PARP1: variants seen among roughly 807,000 people sequenced by gnomAD.
The protein encoded by PARP1 is poly(ADP-ribose) polymerase 1.
Under a neutral mutation model 118.7 loss-of-function variants are expected in PARP1, and 44 were observed. The ratio of observed to expected loss-of-function variants is 0.37; its 90% CI spans 0.29 to 0.48. PARP1 has a LOEUF of 0.48. Ranked by LOEUF, PARP1 falls within the 20% of genes least tolerant of loss-of-function variation. The pLI is 0.99. For missense variants in PARP1, 1,100 were observed against 1,272.4 expected (o/e 0.86, Z 2.06); for synonymous variants, 492 against 483.2 (o/e 1.02, Z -0.24).
rs1235442000 is a variant in PARP1, at chr1:226,360,978, T to G, written c.*482A>C. 3 of 231,092 alleles carry G rather than the reference T, an allele frequency of 1.3e-5. No individual in the cohort carries two copies. Among genetic ancestry groups the G allele is most frequent in the Non-Finnish European group, 2.6e-5 (3 of 116,090 alleles). 14.3% of individuals were successfully genotyped at this position (231,092 alleles called of 1,614,324 possible). Reference sequence around the variant, plus strand: ...AAAAAACTAAAAAGGGGACAATAAGTGCAAGATAAAAAAGAAAATCTAAAT... The same window carrying G: ...AAAAAACTAAAAAGGGGACAATAAGGGCAAGATAAAAAAGAAAATCTAAAT... On this transcript the variant is annotated 3_prime_UTR_variant, in exon 23 of 23. Coordinates refer to ENST00000366794, the MANE Select transcript of PARP1 (RefSeq NM_001618.4).
chr1:226,380,388 G>A (rs1664580487), intron 9 of PARP1, among the ~76,000 whole-genome samples: 1 of 152,056 alleles, frequency 6.6e-6, no homozygotes, highest in African/African-American at 2.4e-5. Context: ...TCTACAGCAC[G>A]ATGTTAACAA....
intron 21 of PARP1, 31 bp downstream of exon 21, chr1:226,363,068 G>A (rs1248216820): frequency 1.3e-6 from 2 of 1,562,798 alleles, no homozygotes; most frequent in Non-Finnish European, 1.8e-6. Context: ...GGGTGCCTCG[G>A]GCTGTAGCAA....
chr1:226,384,934 G>A (rs1664687214), intron 7 of PARP1, among the ~76,000 whole-genome samples: 2 of 152,200 alleles, frequency 1.3e-5, no homozygotes, highest in Non-Finnish European at 2.9e-5. Context: ...TGAGTCTGAG[G>A]GAGCACAGGC....
In PARP1 at chr1:226,407,555, C is replaced by G. The variant is rs139528102; in HGVS notation, c.120+255G>C. ...AGAAAGGAGAAGAGAAGAGGCTCCT[C>G]GTTTTCACAAAGCGAAAGGCAACAC... On this transcript the variant is annotated intron_variant, in intron 1 of 22. Transcript: ENST00000366794. Among the ~76,000 whole-genome samples, 898 of 152,204 alleles carry G rather than the reference C, an allele frequency of 5.9e-3. 8 individuals are homozygous for G. Among genetic ancestry groups the G allele is most frequent in the Non-Finnish European group, 9.0e-3 (613 of 67,988 alleles).
Position 226,383,031 on chromosome 1 carries a change from T to G in PARP1, c.1159+5A>C, listed in dbSNP as rs1161136698. The G allele has an allele frequency of 6.2e-7, 1 of 1,612,688 alleles. No homozygotes were observed. The highest frequency in any genetic ancestry group is 8.5e-7 in the Non-Finnish European group (1 of 1,179,948). ...GCTCTAAGACCGGGGTCCCAAATGCTGTACCTGCTGAAGCAGAGGAGTTCA... is the reference window on the plus strand; with the variant it reads ...GCTCTAAGACCGGGGTCCCAAATGCGGTACCTGCTGAAGCAGAGGAGTTCA... On this transcript the variant is annotated splice_donor_5th_base_variant and intron_variant, in intron 8 of 22. Transcript: ENST00000366794.
At chr1:226,384,790 A>G (rs1664684861) in intron 7 of PARP1, among the ~76,000 whole-genome samples, 1 of 142,494 alleles carries the variant, frequency 7.0e-6, no homozygotes, top group African/African-American at 2.6e-5. Flanking sequence ...TAGAGCGAGT[A>G]ATGTCGATAG....
At position 226,381,110 on chromosome 1, in the gene PARP1, T is replaced by A. The variant is rs781055881; in HGVS notation, c.1258A>T (p.Thr420Ser). The change falls in exon 9 of 23, where the codon ACG (threonine) becomes TCG (serine). Residue 420 changes from threonine (T) to serine (S), a missense_variant. Transcript: ENST00000366794. ...AGGGAAGCCTTGTTGGCCGTCCCCGTCAACTTCCCCCCGAGTTTCTCAATC... is the reference window on the plus strand; with the variant it reads ...AGGGAAGCCTTGTTGGCCGTCCCCGACAACTTCCCCCCGAGTTTCTCAATC... Reference protein sequence around the residue: ...AMIEKLGGKLTGTANKASLCI... With the variant: ...AMIEKLGGKLSGTANKASLCI... 6.2e-7 allele frequency: 1 copy of A among 1,614,204 alleles called. No individual in the cohort carries two copies. The highest frequency in any genetic ancestry group is 1.1e-5 in the South Asian group (1 of 91,082).
At chr1:226,396,484 A>G (rs1041401218) in intron 2 of PARP1, among the ~76,000 whole-genome samples, 1 of 152,128 alleles carries the variant, frequency 6.6e-6, no homozygotes, top group Non-Finnish European at 1.5e-5. Context: ...AAAGAAAGAA[A>G]ATCAAGCACA....
intron 5 of PARP1, among the ~76,000 whole-genome samples, chr1:226,387,716 T>C (rs1447530645): frequency 6.6e-6 from 1 of 152,138 alleles, no homozygotes; most frequent in Non-Finnish European, 1.5e-5. Flanking sequence ...CAGACACAGA[T>C]GTGCCACAGT....
chr1:226,399,360 G>A (rs567110764), intron 2 of PARP1, among the ~76,000 whole-genome samples: 2 of 151,998 alleles, frequency 1.3e-5, no homozygotes, highest in African/African-American at 4.8e-5. Flanking sequence ...GTGAGCCACC[G>A]TGCCCGGCTC....
chr1:226,396,055 G>A (rs1017823942), intron 2 of PARP1, among the ~76,000 whole-genome samples: 8 of 152,076 alleles, frequency 5.3e-5, no homozygotes, highest in African/African-American at 1.9e-4. Context: ...CTTAAAAATG[G>A]TTAAGACAGG....
At chr1:226,394,652 G>A (rs1475485221) in intron 2 of PARP1, among the ~76,000 whole-genome samples, 5 of 152,130 alleles carry the variant, frequency 3.3e-5, no homozygotes, top group Admixed American at 1.3e-4. Context: ...GGTAGCTCAC[G>A]CTTGTAGTCC....
In PARP1 at chr1:226,374,328, T is replaced by C; in HGVS notation, c.1968A>G (p.Thr656=). The C allele has an allele frequency of 1.2e-6, 2 of 1,614,248 alleles. No individual in the cohort carries two copies. Among genetic ancestry groups the C allele is most frequent in the Non-Finnish European group, 1.7e-6 (2 of 1,180,046 alleles). ...GCTTGGACTTGGTGCCAGGATTTAC[T>C]GTCAGCTTCTTCACTGCCTCTTCAT... ...GQDEEAVKKL[T]VNPGTKSKLP... is the part of the protein sequence containing the mutation. The change falls in exon 14 of 23, where the codon ACA becomes ACG. Residue 656 remains threonine, a synonymous_variant. Transcript: ENST00000366794.
intron 13 of PARP1, among the ~76,000 whole-genome samples, chr1:226,374,953 C>G (rs966210540): frequency 6.6e-6 from 1 of 152,236 alleles, no homozygotes; most frequent in East Asian, 1.9e-4. Flanking sequence ...CTCCACCCCC[C>G]ACTGTCTGAA....
At chr1:226,373,882 C>T (rs1173398583) in intron 14 of PARP1, among the ~76,000 whole-genome samples, 1 of 152,092 alleles carries the variant, frequency 6.6e-6, no homozygotes, top group Admixed American at 6.5e-5. Context: ...TTTGGGGAGA[C>T]TGAGGTGGGT....
At chr1:226,401,838 C>T (rs1665043684) in intron 2 of PARP1, 1 of 643,786 alleles carries the variant, frequency 1.6e-6, no homozygotes, top group Non-Finnish European at 2.5e-6. Flanking sequence ...AGTGTAGGTT[C>T]CTCAATTATA....
At position 226,374,342 on chromosome 1, in the gene PARP1, C is replaced by A; in HGVS notation, c.1954G>T (p.Val652Leu). The A allele has an allele frequency of 6.2e-7, 1 of 1,614,218 alleles. No homozygotes were observed. ...CCAGGATTTACTGTCAGCTTCTTCA[C>A]TGCCTCTTCATCCTTCAGGAAAAAA... ...EIDYGQDEEAVKKLTVNPGTK... is the reference protein window; with the variant it reads ...EIDYGQDEEALKKLTVNPGTK... Residue 652 changes from valine (V) to leucine (L), a missense_variant, in exon 14 of 23, where the codon GTG (valine) becomes TTG (leucine). Physicochemically the swap from Val to Leu is conservative, Grantham distance 32 (BLOSUM62 1). Around this residue, in one of 2 missense-constraint regions of PARP1, gnomAD observed 948 missense variants for 1,031.8 expected, o/e 0.92. Coordinates refer to ENST00000366794, the MANE Select transcript of PARP1 (RefSeq NM_001618.4).
At chr1:226,402,682 G>A (rs542931086) in intron 1 of PARP1, among the ~76,000 whole-genome samples, 4 of 152,188 alleles carry the variant, frequency 2.6e-5, no homozygotes, top group Non-Finnish European at 5.9e-5. Flanking sequence ...TCTGCCCCAC[G>A]TCCCTTTTGA....
At chr1:226,402,038 A>C in intron 2 of PARP1, 176 bp downstream of exon 2, 1 of 1,522,734 alleles carries the variant, frequency 6.6e-7, no homozygotes, top group South Asian at 1.2e-5. Context: ...AATATCATGC[A>C]ACAGATGATG....
Sources: gnomAD v4.1 joint callset for allele counts (sites outside exome capture counted in the v4.1 genomes callset) on GRCh38, gnomAD v4.1.1 for gene constraint, gnomAD v4.1.1 regional missense constraint, MANE v1.5 for transcripts, NCBI Gene and HGNC (gene_info 2026-07-23, HGNC 2026-07-21) for gene names.